The following CATSPERD variants were observed in gnomAD, a reference collection of about 807,000 sequenced individuals.
The protein encoded by CATSPERD is catsper channel auxiliary subunit delta.
Under a neutral mutation model 98.1 loss-of-function variants are expected in CATSPERD, and 86 were observed. That is an observed-to-expected ratio of 0.88 (90% confidence interval 0.74 to 1.05). CATSPERD has a LOEUF of 1.05. Ranked by LOEUF, CATSPERD falls within the 50% of genes least tolerant of loss-of-function variation. The pLI is 0.00. For synonymous variants in CATSPERD, 394 were observed against 390.2 expected, an observed-to-expected ratio of 1.01 and a Z score of -0.12; for missense variants, 995 against 1,005.7, an observed-to-expected ratio of 0.99 and a Z score of 0.14.
intron 14 of CATSPERD, 147 bp downstream of exon 14, chr19:5,758,079 C>G: frequency 1.6e-6 from 1 of 631,658 alleles, no homozygotes; most frequent in South Asian, 2.1e-5. Flanking sequence ...AGGCAGCCGT[C>G]AACCACACGC....
At chr19:5,747,104 C>T (rs1396515758) in intron 9 of CATSPERD, among the ~76,000 whole-genome samples, 6 of 151,702 alleles carry the variant, frequency 4.0e-5, no homozygotes, top group South Asian at 2.1e-4. Flanking sequence ...CTTGGCCTCC[C>T]GAAGTCTGGA....
intron 13 of CATSPERD, among the ~76,000 whole-genome samples, chr19:5,757,486 G>A (rs1418228238): frequency 6.6e-6 from 1 of 151,224 alleles, no homozygotes; most frequent in African/African-American, 2.4e-5. Flanking sequence ...TAGTAGAGAT[G>A]GGGTTTCTCC....
intron 14 of CATSPERD, among the ~76,000 whole-genome samples, chr19:5,758,737 A>G (rs1002428050): frequency 2.0e-5 from 3 of 148,660 alleles, no homozygotes; most frequent in East Asian, 2.0e-4. Context: ...AGCGAGACTC[A>G]GTCTTAAAAA....
chr19:5,744,486 G>T lies in CATSPERD; in HGVS notation c.633G>T (p.Ala211=). Reference sequence around the variant, plus strand: ...ACTTTTTTTCTTTGTCACAGGTTGCGATGCTTGTAGTGAATCAAGGGAAGG... The same window carrying T: ...ACTTTTTTTCTTTGTCACAGGTTGCTATGCTTGTAGTGAATCAAGGGAAGG... ...IFHFFSLSQV[A]MLVVNQGKGM... The change falls in exon 8 of 22, where the codon GCG becomes GCT. Residue 211 remains alanine, a synonymous_variant. Coordinates refer to ENST00000381624, the MANE Select transcript of CATSPERD (RefSeq NM_152784.4). The T allele has an allele frequency of 6.2e-7, 1 of 1,612,298 alleles. No homozygotes were observed. The highest frequency in any genetic ancestry group is 8.5e-7 in the Non-Finnish European group (1 of 1,178,812).
chr19:5,747,832 G>A (rs770381398), intron 9 of CATSPERD, among the ~76,000 whole-genome samples: 9 of 151,648 alleles, frequency 5.9e-5, no homozygotes, highest in Non-Finnish European at 1.3e-4. Flanking sequence ...GCCTGATCTC[G>A]AACTCCTGAC....
intron 20 of CATSPERD, among the ~76,000 whole-genome samples, chr19:5,774,759 G>A (rs2056710796): frequency 1.3e-5 from 2 of 152,190 alleles, no homozygotes; most frequent in East Asian, 1.9e-4. Context: ...GCTCACGCCT[G>A]TAATCCCAGC....
chr19:5,778,442 T>C lies in CATSPERD; in HGVS notation c.2163T>C (p.Ser721=), dbSNP rs753014702. The change falls in exon 22 of 22, where the codon TCT becomes TCC. Residue 721 remains serine (S), a synonymous_variant. Coordinates refer to ENST00000381624, the MANE Select transcript of CATSPERD (RefSeq NM_152784.4). ...VYGAFPVQLV[S]AGVVILLIIS... The stretch of plus-strand genomic sequence containing the variant: ...GAGCATTCCCCGTGCAGCTGGTCTC[T>C]GCTGGAGTCGTCATCCTACTGATCA... 1 of 1,614,006 alleles carries C rather than the reference T, an allele frequency of 6.2e-7. No homozygotes were observed. Among genetic ancestry groups the C allele is most frequent in the East Asian group, 2.2e-5 (1 of 44,880 alleles).
In CATSPERD at chr19:5,754,175, T is replaced by C. The variant is rs1430009931; in HGVS notation, c.1208T>C (p.Ile403Thr). 6 of 1,613,968 alleles carry C rather than the reference T, an allele frequency of 3.7e-6. No individual in the cohort carries two copies. The highest frequency in any genetic ancestry group is 2.7e-5 in the African/African-American group (2 of 75,024). ...GAATTTATATACAGGATGTATACCA[T>C]TGACATGCACAGCCAGCTGGAATTG... is the stretch of plus-strand genomic sequence containing the variant. ...TGEFIYRMYTIDMHSQLELTA... is the reference protein window; with the variant it reads ...TGEFIYRMYTTDMHSQLELTA... Residue 403 changes from isoleucine to threonine, a missense_variant, in exon 13 of 22, where the codon ATT becomes ACT. Coordinates refer to ENST00000381624, the MANE Select transcript of CATSPERD (RefSeq NM_152784.4).
At chr19:5,763,480 AT>A (rs1226384027) in intron 16 of CATSPERD, among the ~76,000 whole-genome samples, 187 bp downstream of exon 16, 3 of 152,234 alleles carry the variant, frequency 2.0e-5, no homozygotes, top group Non-Finnish European at 4.4e-5. Flanking sequence ...GCATAAAAAA[AT>A]TTATGGATGC....
At chr19:5,748,304 T>C (rs1019715229) in intron 10 of CATSPERD, 49 bp downstream of exon 10, 1 of 1,548,724 alleles carries the variant, frequency 6.5e-7, no homozygotes. Context: ...ACCTGGCTTA[T>C]TAACCGTAGG....
In CATSPERD at chr19:5,744,489, G is replaced by T; in HGVS notation, c.636G>T (p.Met212Ile). ...FHFFSLSQVAMLVVNQGKGMF... is the reference protein window; with the variant it reads ...FHFFSLSQVAILVVNQGKGMF... ...TTTTTTCTTTGTCACAGGTTGCGATGCTTGTAGTGAATCAAGGGAAGGTAA... is the reference window on the plus strand; with the variant it reads ...TTTTTTCTTTGTCACAGGTTGCGATTCTTGTAGTGAATCAAGGGAAGGTAA... The change falls in exon 8 of 22, where the codon ATG becomes ATT. Residue 212 changes from methionine (M) to isoleucine (I), a missense_variant. Coordinates refer to ENST00000381624, the MANE Select transcript of CATSPERD (RefSeq NM_152784.4). 1 of 1,612,444 alleles carries T rather than the reference G, an allele frequency of 6.2e-7. No homozygotes were observed. The highest frequency in any genetic ancestry group is 1.3e-5 in the African/African-American group (1 of 74,992).
chr19:5,739,309 CT>C lies in CATSPERD; in HGVS notation c.460-5del, dbSNP rs376258601. The C allele has an allele frequency of 0.16, 134,459 of 862,698 alleles. 3 individuals are homozygous for C. Among genetic ancestry groups the C allele is most frequent in the South Asian group, 0.2 (8,767 of 42,966 alleles). 53.4% of individuals were successfully genotyped at this position (862,698 alleles called of 1,614,324 possible). ...GGCATCTTTCTTTCATTCTTTCTTT[CT>C]TTTTTTTTTTTATAGCATGTCAGTA... On this transcript the variant is annotated splice_polypyrimidine_tract_variant and intron_variant, in intron 6 of 21. Coordinates refer to ENST00000381624, the MANE Select transcript of CATSPERD (RefSeq NM_152784.4).
chr19:5,734,956 G>C (rs933263041), intron 5 of CATSPERD, among the ~76,000 whole-genome samples: 4 of 152,066 alleles, frequency 2.6e-5, no homozygotes, highest in African/African-American at 4.8e-5. Flanking sequence ...AGGGCTAGGG[G>C]ACGGTAGAGA....
intron 18 of CATSPERD, among the ~76,000 whole-genome samples, chr19:5,769,727 A>G (rs2056609883): frequency 6.6e-6 from 1 of 152,158 alleles, no homozygotes; most frequent in Non-Finnish European, 1.5e-5. Context: ...GGGGAGTGTC[A>G]TCTTAGTCTA....
chr19:5,746,420 T>C (rs943629798), intron 9 of CATSPERD, among the ~76,000 whole-genome samples: 6 of 146,784 alleles, frequency 4.1e-5, no homozygotes, highest in Non-Finnish European at 3.0e-5. Context: ...AGGCTTCGTA[T>C]TTAACATTTC....
Position 5,741,788 on chromosome 19 carries a change from G to T in CATSPERD, c.573+2349G>T, listed in dbSNP as rs1055337162. On this transcript the variant is annotated intron_variant, in intron 7 of 21. Coordinates refer to ENST00000381624, the MANE Select transcript of CATSPERD (RefSeq NM_152784.4). ...CAGCACTTTGGGATGCTGAAGGCGG[G>T]GGGGGGGGGGTGGTGTGGATCACTT... Among the ~76,000 whole-genome samples, 180 of 96,790 alleles carry T rather than the reference G, an allele frequency of 1.9e-3. 40 individuals carry two copies. Among genetic ancestry groups the T allele is most frequent in the African/African-American group, 6.4e-3 (172 of 26,698 alleles). 63.5% of individuals were successfully genotyped at this position (96,790 alleles called of 152,430 possible).
rs56411287 is a variant in CATSPERD, at chr19:5,728,038, C to CA, written c.203+711dup. Among the ~76,000 whole-genome samples, 125 of 128,372 alleles carry CA rather than the reference C, an allele frequency of 9.7e-4. 1 individual carries two copies. Among genetic ancestry groups the CA allele is most frequent in the African/African-American group, 2.2e-3 (74 of 34,160 alleles). 84.2% of individuals were successfully genotyped at this position (128,372 alleles called of 152,430 possible). A position where few individuals can be genotyped will look rare whatever the true frequency, so the allele number is the denominator to read the frequency against. On this transcript the variant is annotated intron_variant, in intron 3 of 21. Coordinates refer to ENST00000381624, the MANE Select transcript of CATSPERD (RefSeq NM_152784.4). ...GAATATAGCAAGATCCCAGTATCTA[C>CA]AAAAAAAAAAAAAAAAATACAGAAA...
At chr19:5,751,938 G>C in intron 12 of CATSPERD, 115 bp downstream of exon 12, 1 of 1,011,544 alleles carries the variant, frequency 9.9e-7, no homozygotes, top group East Asian at 2.9e-5. Flanking sequence ...TGAGGCTGGA[G>C]GGTTGTTTGA....
intron 1 of CATSPERD, 51 bp downstream of exon 1, chr19:5,720,859 G>A (rs1434919626): frequency 1.3e-6 from 2 of 1,504,424 alleles, no homozygotes; most frequent in Non-Finnish European, 1.8e-6. Context: ...GGTCGGGAGG[G>A]TGCTGGTTCA....
Sources: allele counts gnomAD v4.1 joint callset (sites outside exome capture counted in the v4.1 genomes callset), GRCh38; gene constraint gnomAD v4.1.1; transcripts MANE v1.5; gene names NCBI Gene and HGNC (gene_info 2026-07-23, HGNC 2026-07-21).